The following PLXNA2 variants were observed in gnomAD, a reference collection of about 807,000 sequenced individuals.
The protein encoded by PLXNA2 is plexin-A2.
Under a neutral mutation model 193.5 loss-of-function variants are expected in PLXNA2, and 91 were observed. The ratio of observed to expected loss-of-function variants is 0.47; its 90% CI spans 0.40 to 0.56. The LOEUF is 0.56. PLXNA2 is among the 20% of genes least tolerant of loss of function. The probability of loss-of-function intolerance (pLI) is 0.00; values close to 1 mark genes in which losing one functional copy is unlikely to be tolerated. For missense variants in PLXNA2, 1,995 were observed against 2,503.2 expected (o/e 0.80, Z 4.33); for synonymous variants, 997 against 1,027.3 (o/e 0.97, Z 0.56).
chr1:208,098,680 C>T (rs977396891), intron 6 of PLXNA2, among the ~76,000 whole-genome samples, 166 bp downstream of exon 6: 1 of 152,174 alleles, frequency 6.6e-6, no homozygotes, highest in African/African-American at 2.4e-5. Context: ...AATGACTATG[C>T]CCTTTACAAT....
chr1:208,183,607 A>AGGGGGGG (rs367756173), intron 3 of PLXNA2, among the ~76,000 whole-genome samples: 16 of 105,154 alleles, frequency 1.5e-4, no homozygotes, highest in African/African-American at 1.5e-4. Flanking sequence ...AGAGAGGGAG[A>AGGGGGGG]GGGGGGGGTC....
At chr1:208,152,683 GCACACACACA>G (rs56051287) in intron 3 of PLXNA2, among the ~76,000 whole-genome samples, 6 of 140,362 alleles carry the variant, frequency 4.3e-5, no homozygotes, top group Non-Finnish European at 4.6e-5. Flanking sequence ...ACACACACAC[GCACACACACA>G]CACACACACA....
chr1:208,238,163 C>G (rs947589919), intron 1 of PLXNA2, among the ~76,000 whole-genome samples: 3 of 152,110 alleles, frequency 2.0e-5, no homozygotes, highest in African/African-American at 2.4e-5. Context: ...CTCAAAGCGT[C>G]GGAGAGAATA....
At chr1:208,160,584 C>T (rs961665561) in intron 3 of PLXNA2, among the ~76,000 whole-genome samples, 19 of 152,242 alleles carry the variant, frequency 1.2e-4, no homozygotes, top group African/African-American at 4.3e-4. Context: ...AAAGACAAGC[C>T]TTCTTTATCC....
intron 3 of PLXNA2, among the ~76,000 whole-genome samples, chr1:208,149,870 C>T (rs1174152425): frequency 1.3e-5 from 2 of 152,142 alleles, no homozygotes; most frequent in South Asian, 2.1e-4. Context: ...CTCTCACATA[C>T]GCATTCAACA....
At chr1:208,027,946 G>C in intron 31 of PLXNA2, 63 bp downstream of exon 31, 12 of 1,443,886 alleles carry the variant, frequency 8.3e-6, no homozygotes, top group Non-Finnish European at 1.1e-5. Context: ...TCTATTTAAG[G>C]ACTGAGTCAG....
At chr1:208,125,405 G>C (rs1269169155) in intron 4 of PLXNA2, among the ~76,000 whole-genome samples, 1 of 152,170 alleles carries the variant, frequency 6.6e-6, no homozygotes, top group African/African-American at 2.4e-5. Context: ...GCACTGGTTA[G>C]ATTTACCCAG....
At chr1:208,193,646 C>T (rs12410558) in intron 3 of PLXNA2, among the ~76,000 whole-genome samples, 28,704 of 152,098 alleles carry the variant, frequency 0.19, 2,974 homozygotes, top group Admixed American at 0.31. Flanking sequence ...AGATTCATAC[C>T]AAGAGAGTTG....
In PLXNA2 at chr1:208,026,017, G is replaced by A. The variant is rs1664333431; in HGVS notation, c.*1226C>T. The A allele has an allele frequency of 6.6e-6, 1 of 152,626 alleles. No homozygotes were observed. Among genetic ancestry groups the A allele is most frequent in the Non-Finnish European group, 1.5e-5 (1 of 68,044 alleles). 9.5% of individuals were successfully genotyped at this position (152,626 alleles called of 1,614,324 possible). Reference sequence around the variant, plus strand: ...GGCACGAGAGAATGAAAGAAAGAAAGCATAATAATAAATACTGCAGCTTCT... The same window carrying A: ...GGCACGAGAGAATGAAAGAAAGAAAACATAATAATAAATACTGCAGCTTCT... On this transcript the variant is annotated 3_prime_UTR_variant, in exon 32 of 32. Coordinates refer to ENST00000367033, the MANE Select transcript of PLXNA2 (RefSeq NM_025179.4).
rs1418554454 is a variant in PLXNA2, at chr1:208,236,115, G to A, written c.-81+7528C>T. On this transcript the variant is annotated intron_variant, in intron 1 of 31. Transcript: ENST00000367033. The surrounding 1 kb of genome is among the most constrained non-coding windows in gnomAD (Gnocchi z 4.4). ...AAAACGTGGAGTGGAGACCTGGAACGAGAGCTTTGCTGACTCACGAGGGGC... is the reference window on the plus strand; with the variant it reads ...AAAACGTGGAGTGGAGACCTGGAACAAGAGCTTTGCTGACTCACGAGGGGC... Among the ~76,000 whole-genome samples the A allele has an allele frequency of 9.2e-5, 14 of 152,256 alleles. 1 individual carries two copies. In the South Asian group the frequency reaches 1.7e-3, roughly 18 times the overall value.
intron 9 of PLXNA2, 74 bp from the exon 10 acceptor site, chr1:208,084,654 C>T: frequency 1.4e-6 from 2 of 1,432,952 alleles, no homozygotes; most frequent in Non-Finnish European, 9.6e-7. Flanking sequence ...AGGCAGGCCC[C>T]TCTTGTATCA....
chr1:208,084,418 G>A lies in PLXNA2; in HGVS notation c.2260C>T (p.Arg754Cys), dbSNP rs374437126. The change falls in exon 10 of 32, where the codon CGC (arginine) becomes TGC (cysteine). Residue 754 changes from arginine to cysteine, a missense_variant. Coordinates refer to ENST00000367033, the MANE Select transcript of PLXNA2 (RefSeq NM_025179.4). ...CACTGAACGCTGGAGCTGTTGAAGCGCAGAGCGGGGACCCGGTGGATGGCT... is the reference window on the plus strand; with the variant it reads ...CACTGAACGCTGGAGCTGTTGAAGCACAGAGCGGGGACCCGGTGGATGGCT... ...QGAIHRVPAL[R>C]FNSSSVQCQN... 3.1e-6 allele frequency: 5 copies of A among 1,614,148 alleles called. No individual in the cohort carries two copies. The South Asian group carries it at 3.3e-5, about 11-fold the overall frequency.
In PLXNA2 at chr1:208,096,139, C is replaced by CA; in HGVS notation, c.1886-15dup. 3 of 1,604,754 alleles carry CA rather than the reference C, an allele frequency of 1.9e-6. No individual in the cohort carries two copies. Among genetic ancestry groups the CA allele is most frequent in the Non-Finnish European group, 2.6e-6 (3 of 1,172,900 alleles). On this transcript the variant is annotated splice_polypyrimidine_tract_variant and intron_variant, in intron 7 of 31. Transcript: ENST00000367033. Reference sequence around the variant, plus strand: ...GCCCAAACCAGTCTGGAAAAACAAACAAAAAAGGATGGGGTTGGGTAACAA... The same window carrying CA: ...GCCCAAACCAGTCTGGAAAAACAAACAAAAAAAGGATGGGGTTGGGTAACAA...
At chr1:208,231,539 A>C (rs1399640336) in intron 1 of PLXNA2, among the ~76,000 whole-genome samples, 3 of 152,168 alleles carry the variant, frequency 2.0e-5, no homozygotes, top group Non-Finnish European at 4.4e-5. Context: ...CTCTCCTCCC[A>C]GATGCATTCC....
At chr1:208,092,450 A>G (rs1387438941) in intron 9 of PLXNA2, among the ~76,000 whole-genome samples, 1 of 152,254 alleles carries the variant, frequency 6.6e-6, no homozygotes, top group Non-Finnish European at 1.5e-5. Flanking sequence ...GACTCAAAGA[A>G]TAAATGCCAT....
intron 4 of PLXNA2, among the ~76,000 whole-genome samples, chr1:208,107,814 A>G (rs988545093): frequency 6.6e-6 from 1 of 152,002 alleles, no homozygotes; most frequent in African/African-American, 2.4e-5. Flanking sequence ...TGAGTGTGGC[A>G]ATGGGAATTA....
chr1:208,068,963 C>T (rs532373229), intron 12 of PLXNA2, among the ~76,000 whole-genome samples: 44 of 152,160 alleles, frequency 2.9e-4, no homozygotes, highest in Non-Finnish European at 5.6e-4. Flanking sequence ...GTGTGTATAT[C>T]GTTTGCAGGA....
intron 3 of PLXNA2, among the ~76,000 whole-genome samples, chr1:208,147,089 C>A (rs1668625348): frequency 6.6e-6 from 1 of 152,182 alleles, no homozygotes; most frequent in African/African-American, 2.4e-5. Flanking sequence ...GTGGCGCAAT[C>A]ACAGCTCACT....
At position 208,060,823 on chromosome 1, in the gene PLXNA2, A is replaced by G. The variant is rs1018032803; in HGVS notation, c.2601T>C (p.Ser867=). The change falls in exon 13 of 32, where the codon TCT becomes TCC. Residue 867 remains serine, a synonymous_variant. Transcript: ENST00000367033. ...NPQITEILTV[S]GPPEGGTRVT... is the part of the protein sequence containing the mutation. The stretch of plus-strand genomic sequence containing the variant: ...CTCGCGTCCCTCCTTCCGGCGGTCC[A>G]GACACCGTCAAAATCTGCAGGAGGG... 3 of 1,613,902 alleles carry G rather than the reference A, an allele frequency of 1.9e-6. No homozygotes were observed. Among genetic ancestry groups the G allele is most frequent in the African/African-American group, 1.3e-5 (1 of 74,906 alleles).
Sources: allele counts gnomAD v4.1 joint callset (sites outside exome capture counted in the v4.1 genomes callset), GRCh38; gene constraint gnomAD v4.1.1; non-coding constraint Gnocchi (gnomAD v3.1); transcripts MANE v1.5; gene names NCBI Gene and HGNC (gene_info 2026-07-23, HGNC 2026-07-21).